The following UGT1A9 variants were observed in gnomAD, a reference collection of about 807,000 sequenced individuals.
The protein encoded by UGT1A9 is UDP-glucuronosyltransferase 1A9.
A neutral mutation model predicts 45.0 loss-of-function variants in UGT1A9; 35 were observed. That is an observed-to-expected ratio of 0.78 (90% CI 0.59 to 1.03). The LOEUF is 1.03. UGT1A9 is among the 50% of genes least tolerant of loss of function. The pLI is 0.00. For missense variants in UGT1A9, 687 were observed against 666.6 expected (o/e 1.03, Z -0.34); for synonymous variants, 278 against 250.6 (o/e 1.11, Z -1.03).
intron 1 of UGT1A9, among the ~76,000 whole-genome samples, chr2:233,705,044 G>A (rs570093956): frequency 6.6e-5 from 10 of 152,198 alleles, no homozygotes; most frequent in South Asian, 4.1e-4. Flanking sequence ...GCTGAGGCAG[G>A]AGAATTGCTT....
chr2:233,768,543 A>T, intron 4 of UGT1A9, 104 bp downstream of exon 4: 1 of 1,485,090 alleles, frequency 6.7e-7, no homozygotes, highest in Non-Finnish European at 8.9e-7. Context: ...TGTTTCAAAT[A>T]TAAAAACAAA....
In UGT1A9 at chr2:233,749,724, G is replaced by A. The variant is rs575391114; in HGVS notation, c.856-17310G>A. Among the ~76,000 whole-genome samples the A allele has an allele frequency of 6.1e-4, 93 of 151,922 alleles. 2 individuals are homozygous for A. The highest frequency in any genetic ancestry group is 1.9e-3 in the African/African-American group (77 of 41,238). On this transcript the variant is annotated intron_variant, in intron 1 of 4. Coordinates refer to ENST00000354728, the MANE Select transcript of UGT1A9 (RefSeq NM_021027.3). ...GTGATTGGATCATGGGGGCAGTTTC[G>A]CACCTGCTGGTCTCATCATAGTGAG...
chr2:233,769,545 C>T lies in UGT1A9; in HGVS notation c.1295+1106C>T. ...ACCTCCTTTAGAAAGAAGCAGCAGT[C>T]AGGAAGACAGATGTGAAGAGCTGGA... is the stretch of plus-strand genomic sequence containing the variant. On this transcript the variant is annotated intron_variant, in intron 4 of 4. Transcript: ENST00000354728. This position sits in a 1 kb window ranked among gnomAD's most constrained non-coding sequence, Gnocchi z 4.4. 6.2e-7 allele frequency: 1 copy of T among 1,612,746 alleles called. No homozygotes were observed. Among genetic ancestry groups the T allele is most frequent in the Non-Finnish European group, 8.5e-7 (1 of 1,179,828 alleles).
intron 1 of UGT1A9, chr2:233,691,042 C>A (rs1369045618): frequency 2.0e-6 from 2 of 989,126 alleles, no homozygotes; most frequent in East Asian, 2.2e-4. Flanking sequence ...CCAACGTCCA[C>A]AGCAGAGTGG....
chr2:233,726,278 A>G (rs548858738), intron 1 of UGT1A9, among the ~76,000 whole-genome samples: 27 of 152,354 alleles, frequency 1.8e-4, no homozygotes, highest in African/African-American at 5.8e-4. Context: ...CTATGGTCCC[A>G]GGTACTTGGG....
chr2:233,755,121 G>T, intron 1 of UGT1A9: 1 of 1,328,504 alleles, frequency 7.5e-7, no homozygotes. Context: ...GTAGGCCTCA[G>T]CCACCTGCTT....
At chr2:233,743,984 C>A in intron 1 of UGT1A9, 1 of 1,291,724 alleles carries the variant, frequency 7.7e-7, no homozygotes, top group South Asian at 1.3e-5. Context: ...CACCCAGGCG[C>A]AGGCCCGAGT....
intron 1 of UGT1A9, chr2:233,693,307 G>A (rs2075144345): frequency 1.2e-6 from 2 of 1,614,138 alleles, no homozygotes; most frequent in Middle Eastern, 1.6e-4. Flanking sequence ...ACTTTGCTGA[G>A]CGATCATTCC....
chr2:233,765,534 C>G (rs1303263434), intron 1 of UGT1A9, among the ~76,000 whole-genome samples: 1 of 152,060 alleles, frequency 6.6e-6, no homozygotes, highest in African/African-American at 2.4e-5. Context: ...CATGTTCTCA[C>G]TCATAAGTGG....
chr2:233,672,828 C>T (rs745768489), intron 1 of UGT1A9, 39 bp downstream of exon 1: 5 of 1,562,164 alleles, frequency 3.2e-6, no homozygotes, highest in South Asian at 2.4e-5. Context: ...GAATACTTCA[C>T]CTTTGGAAAT....
intron 1 of UGT1A9, among the ~76,000 whole-genome samples, chr2:233,705,028 C>T (rs912053989): frequency 4.0e-5 from 6 of 151,736 alleles, no homozygotes; most frequent in African/African-American, 1.2e-4. Context: ...CCCAGCTACT[C>T]GGGAGGCTGA....
intron 1 of UGT1A9, among the ~76,000 whole-genome samples, chr2:233,724,353 C>A (rs2077234748): frequency 2.0e-5 from 3 of 148,046 alleles, no homozygotes; most frequent in South Asian, 4.5e-4. Flanking sequence ...CCCCCCACCT[C>A]CCTCCCGGAC....
chr2:233,767,249 T>C, intron 2 of UGT1A9, 84 bp downstream of exon 2: 1 of 1,600,756 alleles, frequency 6.2e-7, no homozygotes, highest in Non-Finnish European at 8.5e-7. Context: ...TTAATTCTCT[T>C]AATTGGAACC....
In UGT1A9 at chr2:233,742,835, A is replaced by G. The variant is rs1692114452; in HGVS notation, c.856-24199A>G. 10 of 157,840 alleles carry G rather than the reference A, an allele frequency of 6.3e-5. No individual in the cohort carries two copies. In the South Asian group the frequency reaches 1.7e-3, roughly 27 times the overall value. 9.8% of individuals were successfully genotyped at this position (157,840 alleles called of 1,614,324 possible). A position where few individuals can be genotyped will look rare whatever the true frequency, so the allele number is the denominator to read the frequency against. ...TATTATTTGTAGATTTCACCACTAC[A>G]CACTAAACAATAAAGTCAAATGATT... On this transcript the variant is annotated intron_variant, in intron 1 of 4. Coordinates refer to ENST00000354728, the MANE Select transcript of UGT1A9 (RefSeq NM_021027.3).
intron 1 of UGT1A9, among the ~76,000 whole-genome samples, chr2:233,735,334 C>G (rs2078639542): frequency 6.6e-6 from 1 of 152,026 alleles, no homozygotes; most frequent in South Asian, 2.1e-4. Flanking sequence ...ATTGCAACCC[C>G]TGCTTTTTTT....
At chr2:233,690,258 A>G (rs1172193449) in intron 1 of UGT1A9, among the ~76,000 whole-genome samples, 3 of 152,212 alleles carry the variant, frequency 2.0e-5, no homozygotes, top group Non-Finnish European at 4.4e-5. Flanking sequence ...TTAAGTCTCA[A>G]ACATTTTGCA....
rs754213125 is a variant in UGT1A9 at position 233,761,125 on chromosome 2, T to G, written c.856-5909T>G. ...TATGGTTTTTGTTGGTGGAATCAAC[T>G]GCCTTCACCAAAATCCACTATCCCA... On this transcript the variant is annotated intron_variant, in intron 1 of 4. Transcript: ENST00000354728. 1.1e-5 allele frequency: 17 copies of G among 1,614,134 alleles called. No homozygotes were observed. Among genetic ancestry groups the G allele is most frequent in the Middle Eastern group, 1.6e-4 (1 of 6,084 alleles).
intron 1 of UGT1A9, among the ~76,000 whole-genome samples, chr2:233,698,816 G>GGAA (rs2075464493): frequency 6.6e-6 from 1 of 152,238 alleles, no homozygotes; most frequent in African/African-American, 2.4e-5. Context: ...CTCGCCTTGT[G>GGAA]GAAGAGTAAG....
At chr2:233,768,587 T>C (rs977103062) in intron 4 of UGT1A9, 148 bp downstream of exon 4, 429 of 888,300 alleles carry the variant, frequency 4.8e-4, no homozygotes, top group East Asian at 4.8e-3. Context: ...TTCTTCTTTT[T>C]TTTTTTTTTT....
Sources: allele counts gnomAD v4.1 joint callset (sites outside exome capture counted in the v4.1 genomes callset), GRCh38; gene constraint gnomAD v4.1.1; non-coding constraint Gnocchi (gnomAD v3.1); transcripts MANE v1.5; gene names NCBI Gene and HGNC (gene_info 2026-07-23, HGNC 2026-07-21).